Variants in EPHA6 observed in about 807,000 individuals in gnomAD.
EPHA6 encodes the protein ephrin type-A receptor 6.
A neutral mutation model predicts 112.0 loss-of-function variants in EPHA6; 50 were observed. That is an observed-to-expected ratio of 0.45 (90% confidence interval 0.36 to 0.56). The LOEUF (loss-of-function observed/expected upper bound fraction) is 0.56, where lower values mean the gene tolerates loss of function less well. EPHA6 is among the 20% of genes least tolerant of loss of function. The pLI, the probability that EPHA6 is intolerant of heterozygous loss-of-function variation, is 0.00. For missense variants in EPHA6, 1,280 were observed against 1,417.4 expected (o/e 0.90, Z 1.56); for synonymous variants, 529 against 490.7 (o/e 1.08, Z -1.03).
chr3:97,504,864 AT>A (rs1172880895), intron 10 of EPHA6, among the ~76,000 whole-genome samples: 1 of 152,124 alleles, frequency 6.6e-6, no homozygotes, highest in Non-Finnish European at 1.5e-5. Flanking sequence ...TAACATGTAC[AT>A]TTTCCATGTT....
chr3:97,144,090 C>A (rs1416309638), intron 3 of EPHA6, among the ~76,000 whole-genome samples: 1 of 151,618 alleles, frequency 6.6e-6, no homozygotes, highest in African/African-American at 2.4e-5. Flanking sequence ...TGTATAACAA[C>A]CCTCCCTTAA....
chr3:97,347,412 T>A (rs1226385396), intron 5 of EPHA6, among the ~76,000 whole-genome samples: 2 of 152,126 alleles, frequency 1.3e-5, no homozygotes, highest in Non-Finnish European at 2.9e-5. Context: ...CAATATTATA[T>A]GTCCTGTACC....
intron 10 of EPHA6, among the ~76,000 whole-genome samples, chr3:97,511,159 T>C (rs2092357118): frequency 6.6e-6 from 1 of 152,120 alleles, no homozygotes; most frequent in Non-Finnish European, 1.5e-5. Context: ...GCTCCATGGC[T>C]TCAGCCCCCT....
chr3:96,968,808 A>T (rs2042218222), intron 2 of EPHA6, among the ~76,000 whole-genome samples: 1 of 151,860 alleles, frequency 6.6e-6, no homozygotes, highest in Admixed American at 6.6e-5. Flanking sequence ...TTATTTAGTT[A>T]GCCTCAAATA....
intron 10 of EPHA6, among the ~76,000 whole-genome samples, chr3:97,525,027 G>C (rs2107629469): frequency 6.6e-6 from 1 of 152,192 alleles, no homozygotes; most frequent in East Asian, 1.9e-4. Context: ...TCCTGAATCT[G>C]TATGTTCATA....
intron 6 of EPHA6, among the ~76,000 whole-genome samples, chr3:97,409,742 A>G (rs1008903105): frequency 1.3e-5 from 2 of 152,052 alleles, no homozygotes; most frequent in Non-Finnish European, 2.9e-5. Flanking sequence ...TTATTCTCAC[A>G]TCCAGTATTT....
Position 97,497,474 on chromosome 3 carries a change from A to G in EPHA6, c.2200+13415A>G, listed in dbSNP as rs991322097. 8.6e-5 allele frequency among the ~76,000 whole-genome samples: 13 copies of G among 151,158 alleles called. 1 individual carries two copies. The highest frequency in any genetic ancestry group is 1.3e-4 in the Non-Finnish European group (9 of 67,806). On this transcript the variant is annotated intron_variant, in intron 10 of 17. Transcript: ENST00000389672. ...CATAAACTAGCAATTCTCCTTTCTT[A>G]CTCTCCTTCCCTCTCACCCTGCCTT...
intron 7 of EPHA6, among the ~76,000 whole-genome samples, chr3:97,465,421 G>A (rs1269515640): frequency 2.0e-5 from 3 of 152,066 alleles, no homozygotes; most frequent in Non-Finnish European, 4.4e-5. Context: ...GAAGCAGGGT[G>A]TAAATAATTG....
At chr3:96,859,214 C>G (rs72933405) in intron 1 of EPHA6, among the ~76,000 whole-genome samples, 2,455 of 152,032 alleles carry the variant, frequency 0.016, 68 homozygotes, top group African/African-American at 0.05. Flanking sequence ...ATTGTGCTGT[C>G]TTGATTTGGC....
At chr3:96,981,352 T>A (rs1175296784) in intron 2 of EPHA6, among the ~76,000 whole-genome samples, 4 of 152,204 alleles carry the variant, frequency 2.6e-5, no homozygotes, top group African/African-American at 9.6e-5. Flanking sequence ...TGGATTTCAT[T>A]TATTGATTTG....
At chr3:97,329,657 T>C (rs2082678143) in intron 5 of EPHA6, among the ~76,000 whole-genome samples, 1 of 152,300 alleles carries the variant, frequency 6.6e-6, no homozygotes, top group Admixed American at 6.5e-5. Flanking sequence ...CACTTTTTGA[T>C]GGGGTTGTTT....
At chr3:97,029,986 G>C (rs963838080) in intron 3 of EPHA6, among the ~76,000 whole-genome samples, 1 of 152,130 alleles carries the variant, frequency 6.6e-6, no homozygotes, top group South Asian at 2.1e-4. Flanking sequence ...TGACATACCA[G>C]TTTTGCTCTT....
intron 13 of EPHA6, among the ~76,000 whole-genome samples, chr3:97,615,584 G>T (rs1463423322): frequency 1.3e-5 from 2 of 152,114 alleles, no homozygotes; most frequent in African/African-American, 4.8e-5. Context: ...TAGAGTTCCT[G>T]GGGGGAGGGG....
At chr3:97,390,546 C>T (rs1016801529) in intron 5 of EPHA6, among the ~76,000 whole-genome samples, 2 of 151,468 alleles carry the variant, frequency 1.3e-5, no homozygotes, top group Non-Finnish European at 2.9e-5. Flanking sequence ...TATTCATACA[C>T]ACACATATAC....
rs1019323872 is a variant in EPHA6 at position 97,758,173 on chromosome 3, G to A, written c.*9472G>A. Among the ~76,000 whole-genome samples, 6 of 151,858 alleles carry A rather than the reference G, an allele frequency of 4.0e-5. No homozygotes were observed. Among genetic ancestry groups the A allele is most frequent in the South Asian group, 2.1e-4 (1 of 4,830 alleles). On this transcript the variant is annotated 3_prime_UTR_variant, in exon 18 of 18. Transcript: ENST00000389672. ...AAGAGTGAAAAGCTACTCCATTTAC[G>A]TGTAATCTGCTTATTTTCTTCAGAG...
intron 4 of EPHA6, among the ~76,000 whole-genome samples, chr3:97,229,698 T>G (rs1295991324): frequency 1.3e-5 from 2 of 152,144 alleles, no homozygotes; most frequent in Non-Finnish European, 2.9e-5. Flanking sequence ...ACTAATGCAG[T>G]TCATAGATTT....
At chr3:97,287,937 A>T (rs2080530454) in intron 5 of EPHA6, among the ~76,000 whole-genome samples, 1 of 152,044 alleles carries the variant, frequency 6.6e-6, no homozygotes, top group Admixed American at 6.6e-5. Context: ...GTCAGGAAGA[A>T]TTCCCTCCTC....
chr3:97,216,989 T>C (rs2078051447), intron 3 of EPHA6, among the ~76,000 whole-genome samples: 1 of 152,066 alleles, frequency 6.6e-6, no homozygotes, highest in African/African-American at 2.4e-5. Flanking sequence ...TTAAAATATG[T>C]GGAAAAAAAC....
chr3:96,912,950 A>C (rs1274949023), intron 2 of EPHA6, among the ~76,000 whole-genome samples: 1 of 152,084 alleles, frequency 6.6e-6, no homozygotes, highest in Non-Finnish European at 1.5e-5. Flanking sequence ...ACTTAAAAAA[A>C]TGTAATATTG....
Sources: allele counts gnomAD v4.1 joint callset (sites outside exome capture counted in the v4.1 genomes callset), GRCh38; gene constraint gnomAD v4.1.1; transcripts MANE v1.5; gene names NCBI Gene and HGNC (gene_info 2026-07-23, HGNC 2026-07-21).